ERCC1: variants seen among roughly 807,000 people sequenced by gnomAD.
ERCC1 encodes DNA excision repair protein ERCC-1.
A neutral mutation model predicts 37.6 loss-of-function variants in ERCC1; 36 were observed. That is an observed-to-expected ratio of 0.96 (90% CI 0.73 to 1.26). ERCC1 has a LOEUF of 1.26. ERCC1 is among the 50% of genes most tolerant of loss of function. The pLI is 0.00. For synonymous variants in ERCC1, 156 were observed against 162.1 expected, an observed-to-expected ratio of 0.96 and a Z score of 0.28; for missense variants, 349 against 376.5, an observed-to-expected ratio of 0.93 and a Z score of 0.60.
chr19:45,417,096 CA>C (rs1164332669), intron 5 of ERCC1, among the ~76,000 whole-genome samples, 199 bp from the exon 6 acceptor site: 72 of 138,708 alleles, frequency 5.2e-4, no homozygotes, highest in Admixed American at 5.1e-4. Flanking sequence ...GACTCTGTCT[CA>C]AAAAAAAAAA....
At chr19:45,415,288 T>C (rs1333266737) in intron 6 of ERCC1, among the ~76,000 whole-genome samples, 1 of 127,088 alleles carries the variant, frequency 7.9e-6, no homozygotes, top group East Asian at 2.6e-4. Context: ...TGAGCCAAGA[T>C]CACGCCATTG....
chr19:45,441,270 T>A (rs1975112953), intron 1 of ERCC1, among the ~76,000 whole-genome samples: 1 of 152,210 alleles, frequency 6.6e-6, no homozygotes, highest in Non-Finnish European at 1.5e-5. Flanking sequence ...GGGAGCACAC[T>A]GACTTCCCTG....
intron 1 of ERCC1, among the ~76,000 whole-genome samples, chr19:45,440,442 A>G (rs901448793): frequency 2.6e-5 from 4 of 152,022 alleles, no homozygotes; most frequent in African/African-American, 9.7e-5. Flanking sequence ...CTGCGGGCTG[A>G]GGGCTGAGGG....
At chr19:45,424,021 AGATGTG>A, upstream of ERCC1, 1 of 1,050,500 alleles carries the variant, frequency 9.5e-7, no homozygotes, top group African/African-American at 1.7e-5. Flanking sequence ...GGGAGGAGAG[AGATGTG>A]GCCTGAGGAT....
intron 5 of ERCC1, among the ~76,000 whole-genome samples, chr19:45,418,541 T>C (rs1974201330): frequency 6.9e-6 from 1 of 145,536 alleles, no homozygotes; most frequent in Non-Finnish European, 1.5e-5. Context: ...GAGAGAGATA[T>C]GGCCAGGCAC....
rs567269017 is a variant in ERCC1 at position 45,407,736 on chromosome 19, G to A, written c.*1939C>T. 4.0e-6 allele frequency: 1 copy of A among 248,824 alleles called. No individual in the cohort carries two copies. The highest frequency in any genetic ancestry group is 2.2e-5 in the African/African-American group (1 of 45,394). The allele number at this position is 248,824 out of a possible 1,614,324, so 15.4% of individuals were successfully genotyped here. On this transcript the variant is annotated 3_prime_UTR_variant, in exon 10 of 10. Transcript: ENST00000300853. ...AGTGCCTAGCTACTCACTTTAAGAT[G>A]GAGTCACTCTAGTCATGTTTTATTA...
intron 6 of ERCC1, chr19:45,415,829 C>G (rs766623171): frequency 2.2e-6 from 1 of 455,450 alleles, no homozygotes; most frequent in South Asian, 1.6e-5. Context: ...CTCTCTGGGC[C>G]TGTTTCCTCA....
intron 9 of ERCC1, among the ~76,000 whole-genome samples, chr19:45,411,468 CCACCA>C (rs1295580173): frequency 7.0e-4 from 28 of 39,872 alleles, no homozygotes; most frequent in Admixed American, 1.7e-3. Context: ...TATTGCCTGT[CCACCA>C]TTTGTTATTG....
chr19:45,449,463 G>A (rs988966355), intron 1 of ERCC1, among the ~76,000 whole-genome samples: 1 of 151,882 alleles, frequency 6.6e-6, no homozygotes, highest in Non-Finnish European at 1.5e-5. Context: ...TTCGAGACCA[G>A]CCTGGGCAAC....
chr19:45,441,236 C>T (rs914645716), intron 1 of ERCC1, among the ~76,000 whole-genome samples: 2 of 152,220 alleles, frequency 1.3e-5, no homozygotes, highest in African/African-American at 4.8e-5. Context: ...CAAGGACCTA[C>T]ACTGCATGTT....
At chr19:45,426,826 A>C (rs566943681), upstream of ERCC1, among the ~76,000 whole-genome samples, 3 of 151,016 alleles carry the variant, frequency 2.0e-5, no homozygotes, top group South Asian at 6.3e-4. Flanking sequence ...TGGGCAAGGT[A>C]GCTCATGCCT....
At position 45,448,686 on chromosome 19, in the gene ERCC1, TA is replaced by T. The variant is rs578194369; in HGVS notation, c.-7-25306del. On this transcript the variant is annotated intron_variant, in intron 1 of 8. Transcript: ENST00000423698. ...AGCATAGTAAGACCCCATCTTTATT[TA>T]AAAAAAAGTTTTTATTAATTTAAAA... Among the ~76,000 whole-genome samples, 513 of 151,702 alleles carry T rather than the reference TA, an allele frequency of 3.4e-3. 3 individuals carry two copies. Among genetic ancestry groups the T allele is most frequent in the African/African-American group, 0.012 (484 of 41,366 alleles).
At chr19:45,428,523 A>G (rs1298571505), upstream of ERCC1, among the ~76,000 whole-genome samples, 1 of 152,146 alleles carries the variant, frequency 6.6e-6, no homozygotes, top group African/African-American at 2.4e-5. Flanking sequence ...AAACGCCCCA[A>G]GTTCCAGAAT....
intron 1 of ERCC1, among the ~76,000 whole-genome samples, chr19:45,438,206 G>C (rs781407480): frequency 6.6e-6 from 1 of 152,136 alleles, no homozygotes; most frequent in Non-Finnish European, 1.5e-5. Context: ...CACTGTGCCC[G>C]GCCTCTCATC....
chr19:45,416,027 C>T (rs1436413017), intron 6 of ERCC1, among the ~76,000 whole-genome samples: 5 of 151,800 alleles, frequency 3.3e-5, no homozygotes, highest in African/African-American at 7.3e-5. Flanking sequence ...CTCAGCTGCT[C>T]GGGAGGCTGA....
chr19:45,414,722 A>T, intron 7 of ERCC1, 139 bp downstream of exon 7: 1 of 667,548 alleles, frequency 1.5e-6, no homozygotes, highest in Non-Finnish European at 2.7e-6. Context: ...AAACCCCTCT[A>T]GCTGCAGTTT....
intron 1 of ERCC1, among the ~76,000 whole-genome samples, chr19:45,446,046 G>A (rs749630687): frequency 4.0e-5 from 6 of 151,688 alleles, no homozygotes; most frequent in Non-Finnish European, 8.8e-5. Context: ...GTGCCACCAC[G>A]CCTGGCTAAT....
rs542220919 is a variant in ERCC1, at chr19:45,413,915, A to G, written c.774+48T>C. On this transcript the variant is annotated intron_variant, in intron 8 of 9. Coordinates refer to ENST00000300853, the MANE Select transcript of ERCC1 (RefSeq NM_001983.4). The stretch of plus-strand genomic sequence containing the variant: ...GAAATGGGTGACAGGCTTTCTAAAA[A>G]AGGCAAGGGGACAGAAATGCCTATG... 1.9e-4 allele frequency: 299 copies of G among 1,597,658 alleles called. 5 individuals carry two copies. In the South Asian group the frequency reaches 2.7e-3, roughly 15 times the overall value.
intron 1 of ERCC1, among the ~76,000 whole-genome samples, chr19:45,435,175 C>T (rs1849044433): frequency 6.6e-6 from 1 of 152,146 alleles, no homozygotes; most frequent in Non-Finnish European, 1.5e-5. Context: ...CCTTGGCCTC[C>T]CAAAGTGCTG....
Sources: allele counts gnomAD v4.1 joint callset (sites outside exome capture counted in the v4.1 genomes callset), GRCh38; gene constraint gnomAD v4.1.1; transcripts MANE v1.5; gene names NCBI Gene and HGNC (gene_info 2026-07-23, HGNC 2026-07-21).